The following PFKP variants were observed in gnomAD, a reference collection of about 807,000 sequenced individuals.
PFKP encodes the protein phosphofructokinase, platelet.
In PFKP, 101 loss-of-function variants were observed where a neutral mutation model predicts 94.3. The ratio of observed to expected loss-of-function variants is 1.07; its 90% confidence interval spans 0.91 to 1.26. The LOEUF (loss-of-function observed/expected upper bound fraction) is 1.26. Ranked by LOEUF, PFKP falls within the 50% of genes most tolerant of loss-of-function variation. The pLI is 0.00. For synonymous variants in PFKP, 573 were observed against 432.6 expected (o/e 1.32, Z -4.03); for missense variants, 1,145 against 1,103.3 (o/e 1.04, Z -0.53).
In PFKP at chr10:3,106,688, T is replaced by TACCCCTCTCCTC. The variant is rs1835622514; in HGVS notation, c.775-520_775-519insCTCCTCACCCCT. Among the ~76,000 whole-genome samples the TACCCCTCTCCTC allele has an allele frequency of 6.7e-4, 7 of 10,420 alleles. 3 individuals carry two copies. Among genetic ancestry groups the TACCCCTCTCCTC allele is most frequent in the East Asian group, 0.01 (1 of 100 alleles). 6.8% of individuals were successfully genotyped at this position (10,420 alleles called of 152,430 possible). A position where few individuals can be genotyped will look rare whatever the true frequency, so the allele number is the denominator to read the frequency against. ...TCACCCCTGCCCCTGTCCTCACCCC[T>TACCCCTCTCCTC]ACCCCTGTCCTCACCCCTGCCCCTC... On this transcript the variant is annotated intron_variant, in intron 7 of 21. Coordinates refer to ENST00000381125, the MANE Select transcript of PFKP (RefSeq NM_002627.5).
At chr10:3,090,901 C>A (rs1833996072) in intron 2 of PFKP, among the ~76,000 whole-genome samples, 2 of 152,050 alleles carry the variant, frequency 1.3e-5, no homozygotes, top group Non-Finnish European at 2.9e-5. Flanking sequence ...TAGTTTCTAA[C>A]CTAGAGCTCT....
chr10:3,088,842 T>C (rs997754904), intron 2 of PFKP, among the ~76,000 whole-genome samples: 11 of 152,094 alleles, frequency 7.2e-5, no homozygotes, highest in Non-Finnish European at 8.8e-5. Flanking sequence ...ATACCTCTGA[T>C]AATTGCAGTT....
chr10:3,109,390 G>C lies in PFKP; in HGVS notation c.999G>C (p.Leu333Phe), dbSNP rs1431579843. 3 of 1,610,652 alleles carry C rather than the reference G, an allele frequency of 1.9e-6. No individual in the cohort carries two copies. Among genetic ancestry groups the C allele is most frequent in the Admixed American group, 1.7e-5 (1 of 60,008 alleles). ...TGGGAGTGGAGGCAGTCATCGCCTT[G>C]CTAGAGGCCACCCCGGACACCCCAG... The part of the protein sequence containing the change: ...SRMGVEAVIA[L>F]LEATPDTPAC... The change falls in exon 10 of 22, where the codon TTG becomes TTC. Residue 333 changes from leucine (L) to phenylalanine (F), a missense_variant. Physicochemically the swap from Leu to Phe is conservative, Grantham distance 22. Transcript: ENST00000381125.
chr10:3,101,625 C>T (rs2131541518), intron 4 of PFKP, 71 bp downstream of exon 4: 2 of 1,115,074 alleles, frequency 1.8e-6, no homozygotes, highest in Non-Finnish European at 1.2e-6. Context: ...CGACAGGTTT[C>T]CCTCTTCACT....
At chr10:3,124,518 G>A (rs1279530539) in intron 16 of PFKP, among the ~76,000 whole-genome samples, 1 of 152,256 alleles carries the variant, frequency 6.6e-6, no homozygotes, top group Non-Finnish European at 1.5e-5. Flanking sequence ...GCCGAGGGCA[G>A]AAACGGCAGC....
chr10:3,097,965 T>C lies in PFKP; in HGVS notation c.187-1310T>C, dbSNP rs550875711. 1.8e-3 allele frequency among the ~76,000 whole-genome samples: 279 copies of C among 151,824 alleles called. 2 individuals are homozygous for C. The highest frequency in any genetic ancestry group is 6.5e-3 in the African/African-American group (266 of 41,176). ...TGTAAGTTGCAGTGAGCCGAGATCG[T>C]GCCACTGCACTCCAGCCTGGGCAAC... On this transcript the variant is annotated intron_variant, in intron 2 of 21. Transcript: ENST00000381125.
Position 3,116,828 on chromosome 10 carries a change from C to G in PFKP, c.1424C>G (p.Ser475Cys). The stretch of plus-strand genomic sequence containing the variant: ...GGGGGCTGGACCGGCCAAGGAGGCT[C>G]CATTCTTGGGACAAAACGGTAACTT... Reference protein sequence around the residue: ...DVGGWTGQGGSILGTKRVLPG... With the variant: ...DVGGWTGQGGCILGTKRVLPG... Residue 475 changes from serine (S) to cysteine (C), a missense_variant, in exon 14 of 22, where the codon TCC becomes TGC. Physicochemically the swap from Ser to Cys is moderately radical, Grantham distance 112. Coordinates refer to ENST00000381125, the MANE Select transcript of PFKP (RefSeq NM_002627.5). 1 of 1,612,004 alleles carries G rather than the reference C, an allele frequency of 6.2e-7. No individual in the cohort carries two copies. The highest frequency in any genetic ancestry group is 8.5e-7 in the Non-Finnish European group (1 of 1,178,032).
chr10:3,083,878 G>A (rs957976348), intron 2 of PFKP, among the ~76,000 whole-genome samples: 7 of 152,106 alleles, frequency 4.6e-5, no homozygotes, highest in Non-Finnish European at 1.0e-4. Flanking sequence ...CCTGACCTCA[G>A]GTGATCTGCC....
At chr10:3,082,722 T>C (rs556305674) in intron 2 of PFKP, among the ~76,000 whole-genome samples, 2 of 152,280 alleles carry the variant, frequency 1.3e-5, no homozygotes, top group Middle Eastern at 3.4e-3. Flanking sequence ...ATTTTCTTTT[T>C]TCTTTTTTTT....
intron 10 of PFKP, among the ~76,000 whole-genome samples, chr10:3,111,288 TTG>T (rs956097502): frequency 1.3e-5 from 2 of 151,628 alleles, no homozygotes; most frequent in African/African-American, 4.8e-5. Context: ...GTCTGCATGT[TTG>T]TGTGTGCAGG....
chr10:3,089,555 C>T (rs747638162), intron 2 of PFKP, among the ~76,000 whole-genome samples: 7 of 151,950 alleles, frequency 4.6e-5, no homozygotes, highest in Non-Finnish European at 8.8e-5. Flanking sequence ...GGGTAAGTAG[C>T]ATATCCATCA....
chr10:3,109,291 A>AG, intron 9 of PFKP, 64 bp from the exon 10 acceptor site: 1 of 1,596,052 alleles, frequency 6.3e-7, no homozygotes, highest in Admixed American at 1.7e-5. Flanking sequence ...ATGGAAAGAT[A>AG]GGAGGTGACA....
chr10:3,093,852 C>T (rs552143680), intron 2 of PFKP, among the ~76,000 whole-genome samples: 31 of 152,194 alleles, frequency 2.0e-4, no homozygotes, highest in East Asian at 1.5e-3. Context: ...ACCGTGTTAG[C>T]CAGGATGGTC....
rs113248216 is a variant in PFKP, at chr10:3,106,226, C to T, written c.774+725C>T. ...GGCAGAAAGCATGGCGTGCACGGGG[C>T]GCCTGTGGGGCGTCCACCTGTGTGT... On this transcript the variant is annotated intron_variant, in intron 7 of 21. Coordinates refer to ENST00000381125, the MANE Select transcript of PFKP (RefSeq NM_002627.5). Among the ~76,000 whole-genome samples, 559 of 148,422 alleles carry T rather than the reference C, an allele frequency of 3.8e-3. 15 individuals are homozygous for T. Among genetic ancestry groups the T allele is most frequent in the African/African-American group, 0.014 (540 of 39,236 alleles).
Position 3,108,777 on chromosome 10 carries a change from C to T in PFKP, c.947C>T (p.Ala316Val), listed in dbSNP as rs747390489. ...GHVQRGGTPS[A>V]FDRILASRMG... ...GTGCAGAGAGGAGGGACCCCTTCGG[C>T]ATTCGACAGGATCTTGGTGAGTTGG... The change falls in exon 9 of 22, where the codon GCA becomes GTA. Residue 316 changes from alanine to valine, a missense_variant. By Grantham distance (64) the Ala-to-Val change is moderately conservative. Transcript: ENST00000381125. 4.3e-6 allele frequency: 7 copies of T among 1,612,242 alleles called. No individual in the cohort carries two copies. The highest frequency in any genetic ancestry group is 5.1e-6 in the Non-Finnish European group (6 of 1,178,436).
chr10:3,122,997 TGTG>T (rs1306278306), intron 16 of PFKP, among the ~76,000 whole-genome samples: 2 of 152,164 alleles, frequency 1.3e-5, no homozygotes, highest in African/African-American at 2.4e-5. Flanking sequence ...GCGGGGCTGA[TGTG>T]GTGAAGCCTC....
chr10:3,102,534 C>T (rs1806956382), intron 4 of PFKP, among the ~76,000 whole-genome samples: 1 of 151,998 alleles, frequency 6.6e-6, no homozygotes, highest in Admixed American at 6.5e-5. Context: ...CTGCCTCAGC[C>T]TCCCAAGCAG....
chr10:3,113,745 A>G (rs192522621), intron 13 of PFKP, among the ~76,000 whole-genome samples: 12 of 152,144 alleles, frequency 7.9e-5, no homozygotes, highest in Middle Eastern at 3.4e-3. Context: ...ATTTTCTGAA[A>G]AGGTGCTGGG....
At chr10:3,079,468 T>G (rs1371545916) in intron 1 of PFKP, among the ~76,000 whole-genome samples, 1 of 152,032 alleles carries the variant, frequency 6.6e-6, no homozygotes, top group Non-Finnish European at 1.5e-5. Context: ...TCTCCTGACC[T>G]CGTGATCTGC....
Sources: allele counts gnomAD v4.1 joint callset (sites outside exome capture counted in the v4.1 genomes callset), GRCh38; gene constraint gnomAD v4.1.1; transcripts MANE v1.5; gene names NCBI Gene and HGNC (gene_info 2026-07-23, HGNC 2026-07-21).